The following RPS9 variants were observed in gnomAD, a reference collection of about 807,000 sequenced individuals.
The protein encoded by RPS9 is ribosomal protein S9, also known as small ribosomal subunit protein uS4.
RPS9 carries 1 observed loss-of-function variant against 16.9 expected under a neutral mutation model. That is an observed-to-expected ratio of 0.06 (90% confidence interval 0.02 to 0.28). The LOEUF is 0.28. Ranked by LOEUF, RPS9 falls within the 10% of genes least tolerant of loss-of-function variation. The pLI is 1.00. For missense variants in RPS9, 137 were observed against 273.2 expected (o/e 0.50, Z 3.51); for synonymous variants, 106 against 110.9 (o/e 0.96, Z 0.28).
chr19:54,206,209 C>G, intron 3 of RPS9, 67 bp from the exon 4 acceptor site: 1 of 1,517,772 alleles, frequency 6.6e-7, no homozygotes, highest in South Asian at 1.2e-5. Context: ...AGAGGCGGAG[C>G]CAGGATTTGA....
Position 54,207,591 on chromosome 19 carries a change from C to G in RPS9, c.*16C>G. ...GGAGGATTAAGTCCACCTGTCCCTC[C>G]TGGGCTGCTGGATTGTCTCGTTTTC... On this transcript the variant is annotated 3_prime_UTR_variant, in exon 5 of 5. Coordinates refer to ENST00000302907, the MANE Select transcript of RPS9 (RefSeq NM_001013.4). 1 of 1,581,794 alleles carries G rather than the reference C, an allele frequency of 6.3e-7. No individual in the cohort carries two copies. Among genetic ancestry groups the G allele is most frequent in the Non-Finnish European group, 8.6e-7 (1 of 1,162,592 alleles).
Position 54,201,180 on chromosome 19 carries a change from C to G in RPS9, c.-5C>G, listed in dbSNP as rs1442427441. 2 of 1,600,378 alleles carry G rather than the reference C, an allele frequency of 1.2e-6. No homozygotes were observed. Among genetic ancestry groups the G allele is most frequent in the Admixed American group, 3.4e-5 (2 of 59,646 alleles). On this transcript the variant is annotated 5_prime_UTR_variant, in exon 2 of 5. Transcript: ENST00000302907. Reference sequence around the variant, plus strand: ...CGCAGGCGCAGACGGGGAAGCGGAGCCAACATGCCAGTGGCCCGGAGCTGG... The same window carrying G: ...CGCAGGCGCAGACGGGGAAGCGGAGGCAACATGCCAGTGGCCCGGAGCTGG...
intron 3 of RPS9, among the ~76,000 whole-genome samples, chr19:54,205,282 C>G (rs934582637): frequency 3.3e-5 from 5 of 151,928 alleles, no homozygotes; most frequent in Non-Finnish European, 7.4e-5. Context: ...AGAGTATTAG[C>G]TAGAAGCCAT....
rs150511790 is a variant in RPS9 at position 54,206,928 on chromosome 19, G to A, written c.407+466G>A. The A allele has an allele frequency of 1.7e-4, 87 of 511,270 alleles. No homozygotes were observed. In the East Asian group the frequency reaches 2.6e-3, roughly 15 times the overall value. The allele number at this position is 511,270 out of a possible 1,614,324, so 31.7% of individuals were successfully genotyped here. ...TACAGAAAGAGGGCAAGATGTTTGC[G>A]TTTAGAATCTTCGCCCCAGCCCTTC... On this transcript the variant is annotated intron_variant, in intron 4 of 4. Transcript: ENST00000302907.
intron 3 of RPS9, chr19:54,201,976 G>C (rs935546735): frequency 4.2e-6 from 1 of 239,428 alleles, no homozygotes; most frequent in Non-Finnish European, 8.1e-6. Flanking sequence ...GTGATAACAG[G>C]GTTTGCACAT....
chr19:54,205,277 AT>A (rs2077200113), intron 3 of RPS9, among the ~76,000 whole-genome samples: 1 of 151,956 alleles, frequency 6.6e-6, no homozygotes, highest in Admixed American at 6.6e-5. Flanking sequence ...AGTCCAGAGT[AT>A]TAGCTAGAAG....
intron 3 of RPS9, chr19:54,202,994 G>C (rs2077113705): frequency 2.1e-5 from 21 of 977,458 alleles, no homozygotes; most frequent in Non-Finnish European, 2.4e-5. Context: ...CACCGCACCT[G>C]ACCCTTTCAT....
chr19:54,206,999 C>T (rs1040158420), intron 4 of RPS9: 6 of 426,942 alleles, frequency 1.4e-5, no homozygotes, highest in East Asian at 8.4e-5. Context: ...TCAATGCTTT[C>T]GTCGGAGACG....
At chr19:54,202,257 C>T in intron 3 of RPS9, 1 of 189,984 alleles carries the variant, frequency 5.3e-6, no homozygotes, top group Non-Finnish European at 9.8e-6. Context: ...GCAATCTTGG[C>T]TCACTGCAAA....
chr19:54,200,947 T>A, intron 1 of RPS9, 59 bp downstream of exon 1: 1 of 1,396,306 alleles, frequency 7.2e-7, no homozygotes, highest in Admixed American at 3.1e-5. Context: ...GCCCGGGCCT[T>A]CCGAGTTTCC....
At chr19:54,206,245 C>T (rs920238065) in intron 3 of RPS9, 31 bp from the exon 4 acceptor site, 14 of 1,602,282 alleles carry the variant, frequency 8.7e-6, no homozygotes, top group African/African-American at 4.0e-5. Context: ...GGTCAGAAGG[C>T]GGAATCAGTG....
Position 54,201,541 on chromosome 19 carries a change from C to T in RPS9, c.152C>T (p.Ala51Val). The T allele has an allele frequency of 1.2e-6, 2 of 1,614,040 alleles. No homozygotes were observed. Among genetic ancestry groups the T allele is most frequent in the Non-Finnish European group, 1.7e-6 (2 of 1,180,002 alleles). Residue 51 changes from alanine (A) to valine (V), a missense_variant, in exon 3 of 5, where the codon GCC becomes GTC. Transcript: ENST00000302907. ...REVWRVKFTLAKIRKAARELL... is the reference protein window; with the variant it reads ...REVWRVKFTLVKIRKAARELL... Reference sequence around the variant, plus strand: ...GTCTGGAGGGTCAAATTTACCCTGGCCAAGATCCGCAAGGCCGCCCGGGAA... The same window carrying T: ...GTCTGGAGGGTCAAATTTACCCTGGTCAAGATCCGCAAGGCCGCCCGGGAA...
chr19:54,205,285 G>T (rs1346804812), intron 3 of RPS9, among the ~76,000 whole-genome samples: 1 of 152,002 alleles, frequency 6.6e-6, no homozygotes, highest in Non-Finnish European at 1.5e-5. Context: ...GTATTAGCTA[G>T]AAGCCATGGC....
At position 54,206,454 on chromosome 19, in the gene RPS9, C is replaced by A; in HGVS notation, c.399C>A (p.Arg133=). The A allele has an allele frequency of 6.2e-7, 1 of 1,614,258 alleles. No individual in the cohort carries two copies. Among genetic ancestry groups the A allele is most frequent in the Non-Finnish European group, 8.5e-7 (1 of 1,180,030 alleles). ...ACGCTCGCGTGCTGATCCGCCAGCG[C>A]CATATCAGGTACCACCTCGGATGGG... ...IHHARVLIRQ[R]HIRVRKQVVN... Residue 133 remains arginine, a synonymous_variant, in exon 4 of 5, where the codon CGC becomes CGA. Transcript: ENST00000302907.
chr19:54,203,200 G>A (rs953821087), intron 3 of RPS9: 20 of 930,694 alleles, frequency 2.1e-5, no homozygotes, highest in East Asian at 2.3e-4. Flanking sequence ...GTGAGAAAGC[G>A]GTGCAGGTGT....
chr19:54,206,766 C>T (rs1305639577), intron 4 of RPS9: 1 of 1,436,514 alleles, frequency 7.0e-7, no homozygotes, highest in African/African-American at 1.4e-5. Flanking sequence ...GAGAACCAGC[C>T]TCACCTCGCT....
intron 3 of RPS9, 124 bp downstream of exon 3, chr19:54,201,733 CT>C (rs2077060692): frequency 6.7e-7 from 1 of 1,486,140 alleles, no homozygotes; most frequent in Non-Finnish European, 9.0e-7. Context: ...AGCCTTCTAA[CT>C]TTTAGTGGCA....
At chr19:54,202,586 A>G in intron 3 of RPS9, 1 of 984,792 alleles carries the variant, frequency 1.0e-6, no homozygotes, top group Non-Finnish European at 1.2e-6. Flanking sequence ...TTGAAAATGT[A>G]CCATCTTAAC....
In RPS9 at chr19:54,206,482, C is replaced by T; in HGVS notation, c.407+20C>T. ...TATCAGGTACCACCTCGGATGGGCA[C>T]CTGAATCTTCCTCCACCTGCCCCTC... On this transcript the variant is annotated intron_variant, in intron 4 of 4. Transcript: ENST00000302907. 2 of 1,613,666 alleles carry T rather than the reference C, an allele frequency of 1.2e-6. No homozygotes were observed. The highest frequency in any genetic ancestry group is 2.2e-5 in the South Asian group (2 of 90,992).
Sources: gnomAD v4.1 joint callset for allele counts (sites outside exome capture counted in the v4.1 genomes callset) on GRCh38, gnomAD v4.1.1 for gene constraint, MANE v1.5 for transcripts, NCBI Gene and HGNC (gene_info 2026-07-23, HGNC 2026-07-21) for gene names.